Variants in PEX3 observed in about 807,000 individuals in gnomAD.
The protein encoded by PEX3 is peroxin-3.
In PEX3, 30 loss-of-function variants were observed where a neutral mutation model predicts 55.8. The ratio of observed to expected loss-of-function variants is 0.54; its 90% CI spans 0.40 to 0.73. The LOEUF (loss-of-function observed/expected upper bound fraction) is 0.73, where lower values mean the gene tolerates loss of function less well. Among genes scored for constraint, PEX3 ranks in the 30% least tolerant of loss-of-function variants. PEX3 has a pLI of 0.00. For synonymous variants in PEX3, 135 were observed against 148.4 expected (o/e 0.91, Z 0.66); for missense variants, 351 against 432.8 (o/e 0.81, Z 1.68).
At position 143,471,209 on chromosome 6, in the gene PEX3, T is replaced by G; in HGVS notation, c.456+124T>G. 9.6e-7 allele frequency: 1 copy of G among 1,043,574 alleles called. No individual in the cohort carries two copies. Among genetic ancestry groups the G allele is most frequent in the Non-Finnish European group, 1.4e-6 (1 of 692,834 alleles). The allele number at this position is 1,043,574 out of a possible 1,614,324, so 64.6% of individuals were successfully genotyped here. A position where few individuals can be genotyped will look rare whatever the true frequency, so the allele number is the denominator to read the frequency against. ...TTATATTTCATGTGATTGTGAACTT[T>G]TAGTATTATGAATAATTTTTATATG... On this transcript the variant is annotated intron_variant, in intron 5 of 11. Coordinates refer to ENST00000367591, the MANE Select transcript of PEX3 (RefSeq NM_003630.3). The surrounding 1 kb of genome is among the most constrained non-coding windows in gnomAD (Gnocchi z 5.4).
rs984717464 is a variant in PEX3, at chr6:143,475,415, G to A, written c.818+559G>A. ...GCTTGTAATCCCAGCACTTTGAGTG[G>A]CCGAGGCAGGTAGATTGCTTGAGCC... On this transcript the variant is annotated intron_variant, in intron 9 of 11. Coordinates refer to ENST00000367591, the MANE Select transcript of PEX3 (RefSeq NM_003630.3). The surrounding 1 kb of genome is among the most constrained non-coding windows in gnomAD (Gnocchi z 4.4). Among the ~76,000 whole-genome samples the A allele has an allele frequency of 3.3e-5, 5 of 152,090 alleles. No homozygotes were observed. Among genetic ancestry groups the A allele is most frequent in the African/African-American group, 1.2e-4 (5 of 41,390 alleles).
chr6:143,479,174 T>C lies in PEX3; in HGVS notation c.917T>C (p.Leu306Pro). The change falls in exon 10 of 12, where the codon CTG (leucine) becomes CCG (proline). Residue 306 changes from leucine to proline, a missense_variant. Leu to Pro is a moderately conservative substitution (Grantham distance 98, BLOSUM62 -3). Transcript: ENST00000367591. The surrounding 1 kb of genome is among the most constrained non-coding windows in gnomAD (Gnocchi z 4.6). ...TTCTTTCGACCTACTGAACAGGACCTGCAACATGGTAACTCTATGAATAGG... is the reference window on the plus strand; with the variant it reads ...TTCTTTCGACCTACTGAACAGGACCCGCAACATGGTAACTCTATGAATAGG... ...AEFFRPTEQD[L>P]QHGNSMNSLS... 6.2e-7 allele frequency: 1 copy of C among 1,605,594 alleles called. No homozygotes were observed. The highest frequency in any genetic ancestry group is 8.5e-7 in the Non-Finnish European group (1 of 1,172,432).
rs1583998084 is a variant in PEX3, at chr6:143,450,906, C to A, written c.-137C>A. ...TCCGGTGACAGTCTCTGCGGAAAGT[C>A]ACGTTTGTGATTTCGGGAGAGCACA... On this transcript the variant is annotated 5_prime_UTR_variant, in exon 1 of 12. Transcript: ENST00000367591. 1.9e-5 allele frequency: 16 copies of A among 831,558 alleles called. No homozygotes were observed. The East Asian group carries it at 3.6e-4, about 19-fold the overall frequency. The allele number at this position is 831,558 out of a possible 1,614,324, so 51.5% of individuals were successfully genotyped here. A position where few individuals can be genotyped will look rare whatever the true frequency, so the allele number is the denominator to read the frequency against.
At position 143,483,703 on chromosome 6, in the gene PEX3, G is replaced by A. The variant is rs1410595978; in HGVS notation, c.942-1449G>A. 1.3e-5 allele frequency among the ~76,000 whole-genome samples: 2 copies of A among 152,126 alleles called. No homozygotes were observed. Among genetic ancestry groups the A allele is most frequent in the Non-Finnish European group, 2.9e-5 (2 of 68,008 alleles). On this transcript the variant is annotated intron_variant, in intron 10 of 11. Coordinates refer to ENST00000367591, the MANE Select transcript of PEX3 (RefSeq NM_003630.3). The surrounding 1 kb of genome is among the most constrained non-coding windows in gnomAD (Gnocchi z 4.3). ...TTTCTTTGACTGGTTTGTGGAAAAG[G>A]AATTGGGTAAACAGGGACTGGGGCA...
In PEX3 at chr6:143,451,168, T is replaced by C; in HGVS notation, c.73+53T>C. On this transcript the variant is annotated intron_variant, in intron 1 of 11. Coordinates refer to ENST00000367591, the MANE Select transcript of PEX3 (RefSeq NM_003630.3). This position sits in a 1 kb window ranked among gnomAD's most constrained non-coding sequence, Gnocchi z 4.1. ...CATTGGGAGAAGGGGGTGGGAGAGG[T>C]GACTTCTTCTAAAATAAGGACAGGC... The C allele has an allele frequency of 3.2e-6, 4 of 1,240,180 alleles. No homozygotes were observed. In the South Asian group the frequency reaches 4.8e-5, roughly 15 times the overall value. The allele number at this position is 1,240,180 out of a possible 1,614,324, so 76.8% of individuals were successfully genotyped here. A position where few individuals can be genotyped will look rare whatever the true frequency, so the allele number is the denominator to read the frequency against.
intron 8 of PEX3, 56 bp downstream of exon 8, chr6:143,472,384 A>G (rs765934002): frequency 3.1e-6 from 4 of 1,286,970 alleles, no homozygotes; most frequent in Non-Finnish European, 4.5e-6. Flanking sequence ...TTAAAATTTT[A>G]CTCTCTTGAA....
intron 4 of PEX3, among the ~76,000 whole-genome samples, chr6:143,468,801 T>TCCCC (rs775693906): frequency 9.5e-4 from 12 of 12,630 alleles, no homozygotes; most frequent in East Asian, 2.3e-3. Flanking sequence ...CCTAATGCTA[T>TCCCC]CCCCCCCCCC....
chr6:143,451,019 A>G lies in PEX3; in HGVS notation c.-24A>G, dbSNP rs1349611291. 1.9e-6 allele frequency: 3 copies of G among 1,571,018 alleles called. No individual in the cohort carries two copies. Among genetic ancestry groups the G allele is most frequent in the Middle Eastern group, 3.3e-4 (2 of 6,004 alleles). On this transcript the variant is annotated 5_prime_UTR_variant, in exon 1 of 12. Transcript: ENST00000367591. The surrounding 1 kb of genome is among the most constrained non-coding windows in gnomAD (Gnocchi z 4.1). ...GTGAAGCAGTCCCTCACCCCTAGTC[A>G]GCCCACACCCCTAGGGCCTAAAGAT...
chr6:143,484,319 T>C (rs1046043039), intron 10 of PEX3, among the ~76,000 whole-genome samples: 1 of 152,034 alleles, frequency 6.6e-6, no homozygotes, highest in Non-Finnish European at 1.5e-5. Flanking sequence ...CAGCTTGGAA[T>C]CTGTTGGGCA....
In PEX3 at chr6:143,454,939, A is replaced by G. The variant is rs1486983816; in HGVS notation, c.73+3824A>G. ...GAAGGGCCTTATGAAGCCATTCTAC[A>G]TAATTTGGACATTATCCTTTGTATT... is the stretch of plus-strand genomic sequence containing the variant. On this transcript the variant is annotated intron_variant, in intron 1 of 11. Transcript: ENST00000367591. The surrounding 1 kb of genome is among the most constrained non-coding windows in gnomAD (Gnocchi z 4.3). Among the ~76,000 whole-genome samples, 3 of 152,242 alleles carry G rather than the reference A, an allele frequency of 2.0e-5. No individual in the cohort carries two copies. Among genetic ancestry groups the G allele is most frequent in the Non-Finnish European group, 4.4e-5 (3 of 68,048 alleles).
chr6:143,487,746 G>C lies in PEX3; in HGVS notation c.1039-1397G>C, dbSNP rs1780339571. On this transcript the variant is annotated intron_variant, in intron 11 of 11. Coordinates refer to ENST00000367591, the MANE Select transcript of PEX3 (RefSeq NM_003630.3). The surrounding 1 kb of genome is among the most constrained non-coding windows in gnomAD (Gnocchi z 5.3). ...GCTAGTATTTTTTTTTTTATCTACTGTAACTATTCTGAAAGCTTCATTTGT... is the reference window on the plus strand; with the variant it reads ...GCTAGTATTTTTTTTTTTATCTACTCTAACTATTCTGAAAGCTTCATTTGT... Among the ~76,000 whole-genome samples the C allele has an allele frequency of 1.3e-5, 2 of 151,354 alleles. No individual in the cohort carries two copies. Among genetic ancestry groups the C allele is most frequent in the Non-Finnish European group, 2.9e-5 (2 of 67,824 alleles).
At position 143,458,578 on chromosome 6, in the gene PEX3, ATTGT is replaced by A. The variant is rs1192916768; in HGVS notation, c.74-501_74-498del. On this transcript the variant is annotated intron_variant, in intron 1 of 11. Coordinates refer to ENST00000367591, the MANE Select transcript of PEX3 (RefSeq NM_003630.3). This position sits in a 1 kb window ranked among gnomAD's most constrained non-coding sequence, Gnocchi z 6.1. The stretch of plus-strand genomic sequence containing the variant: ...GTTATCCCACCATTCAGCAATGATC[ATTGT>A]TTGTTATATTTTAGAAATTAAAACT... Among the ~76,000 whole-genome samples, 3 of 152,174 alleles carry A rather than the reference ATTGT, an allele frequency of 2.0e-5. No individual in the cohort carries two copies. The highest frequency in any genetic ancestry group is 7.2e-5 in the African/African-American group (3 of 41,456).
rs1780371252 is a variant in PEX3 at position 143,490,499 on chromosome 6, T to C, written c.*1273T>C. On this transcript the variant is annotated 3_prime_UTR_variant, in exon 12 of 12. Transcript: ENST00000367591. The surrounding 1 kb of genome is among the most constrained non-coding windows in gnomAD (Gnocchi z 6.0). ...TAGACACCTCTGAGCCCACTGGCAT[T>C]GTCTCTGAGCAGAAGATGGCTGTGC... The C allele has an allele frequency of 1.1e-5, 3 of 281,838 alleles. No homozygotes were observed. The highest frequency in any genetic ancestry group is 2.1e-5 in the Non-Finnish European group (3 of 145,152). 17.5% of individuals were successfully genotyped at this position (281,838 alleles called of 1,614,324 possible).
chr6:143,483,594 G>C lies in PEX3; in HGVS notation c.942-1558G>C, dbSNP rs1270710792. Among the ~76,000 whole-genome samples, 4 of 152,134 alleles carry C rather than the reference G, an allele frequency of 2.6e-5. No individual in the cohort carries two copies. Among genetic ancestry groups the C allele is most frequent in the Non-Finnish European group, 4.4e-5 (3 of 68,014 alleles). On this transcript the variant is annotated intron_variant, in intron 10 of 11. Coordinates refer to ENST00000367591, the MANE Select transcript of PEX3 (RefSeq NM_003630.3). The surrounding 1 kb of genome is among the most constrained non-coding windows in gnomAD (Gnocchi z 4.3). ...AAAGCTGGAGAATGCAGCATATACAGATATGGCTGTCATCTGAGAACACTG... is the reference window on the plus strand; with the variant it reads ...AAAGCTGGAGAATGCAGCATATACACATATGGCTGTCATCTGAGAACACTG...
rs1780296331 is a variant in PEX3, at chr6:143,485,034, C to T, written c.942-118C>T. Reference sequence around the variant, plus strand: ...GCGATAGAATTGTGGGGTTTTTTTTCCTTTTTAATAGATTTCCAAAAATAT... The same window carrying T: ...GCGATAGAATTGTGGGGTTTTTTTTTCTTTTTAATAGATTTCCAAAAATAT... On this transcript the variant is annotated intron_variant, in intron 10 of 11. Coordinates refer to ENST00000367591, the MANE Select transcript of PEX3 (RefSeq NM_003630.3). The surrounding 1 kb of genome is among the most constrained non-coding windows in gnomAD (Gnocchi z 5.6). 33 of 700,318 alleles carry T rather than the reference C, an allele frequency of 4.7e-5. No homozygotes were observed. Among genetic ancestry groups the T allele is most frequent in the Non-Finnish European group, 6.1e-5 (24 of 390,580 alleles). 43.4% of individuals were successfully genotyped at this position (700,318 alleles called of 1,614,324 possible). A position where few individuals can be genotyped will look rare whatever the true frequency, so the allele number is the denominator to read the frequency against.
rs1223590733 is a variant in PEX3 at position 143,451,609 on chromosome 6, C to T, written c.73+494C>T. Among the ~76,000 whole-genome samples the T allele has an allele frequency of 2.0e-5, 3 of 152,164 alleles. No homozygotes were observed. The highest frequency in any genetic ancestry group is 4.4e-5 in the Non-Finnish European group (3 of 68,038). ...AAAACAGCGCAGTTGTCCTAAAGGA[C>T]TGAAAGATATGGATTAGATAAAGAA... On this transcript the variant is annotated intron_variant, in intron 1 of 11. Coordinates refer to ENST00000367591, the MANE Select transcript of PEX3 (RefSeq NM_003630.3). This position sits in a 1 kb window ranked among gnomAD's most constrained non-coding sequence, Gnocchi z 4.1.
rs1051216290 is a variant in PEX3 at position 143,488,631 on chromosome 6, A to AT, written c.1039-505dup. Among the ~76,000 whole-genome samples, 1 of 151,970 alleles carries AT rather than the reference A, an allele frequency of 6.6e-6. No individual in the cohort carries two copies. Among genetic ancestry groups the AT allele is most frequent in the Non-Finnish European group, 1.5e-5 (1 of 67,940 alleles). Reference sequence around the variant, plus strand: ...AGAAGTTAAAGAAAATGAAGGTGTAATTTTTTTCTTATCTTCACATTCGCA... The same window carrying AT: ...AGAAGTTAAAGAAAATGAAGGTGTAATTTTTTTTCTTATCTTCACATTCGCA... On this transcript the variant is annotated intron_variant, in intron 11 of 11. Coordinates refer to ENST00000367591, the MANE Select transcript of PEX3 (RefSeq NM_003630.3). The surrounding 1 kb of genome is among the most constrained non-coding windows in gnomAD (Gnocchi z 4.9).
rs1415871450 is a variant in PEX3 at position 143,483,793 on chromosome 6, T to C, written c.942-1359T>C. 1.3e-5 allele frequency among the ~76,000 whole-genome samples: 2 copies of C among 152,188 alleles called. No individual in the cohort carries two copies. The highest frequency in any genetic ancestry group is 2.9e-5 in the Non-Finnish European group (2 of 68,020). On this transcript the variant is annotated intron_variant, in intron 10 of 11. Coordinates refer to ENST00000367591, the MANE Select transcript of PEX3 (RefSeq NM_003630.3). This position sits in a 1 kb window ranked among gnomAD's most constrained non-coding sequence, Gnocchi z 4.3. ...CAACAAGTATGTATTGGATGTCCAC[T>C]GTACACAAGACCTTTTACTATGTGC...
chr6:143,473,351 A>C (rs1224429288), intron 8 of PEX3, among the ~76,000 whole-genome samples: 1 of 152,236 alleles, frequency 6.6e-6, no homozygotes, highest in African/African-American at 2.4e-5. Flanking sequence ...ACAGGAGACA[A>C]CTTACAAAAT....
Sources: gnomAD v4.1 joint callset for allele counts (sites outside exome capture counted in the v4.1 genomes callset) on GRCh38, gnomAD v4.1.1 for gene constraint, Gnocchi (gnomAD v3.1) non-coding constraint, MANE v1.5 for transcripts, NCBI Gene and HGNC (gene_info 2026-07-23, HGNC 2026-07-21) for gene names.